The following USP24 variants were observed in gnomAD, a reference collection of about 807,000 sequenced individuals.
USP24 encodes the protein ubiquitin carboxyl-terminal hydrolase 24.
Under a neutral mutation model 361.6 loss-of-function variants are expected in USP24, and 97 were observed. The ratio of observed to expected loss-of-function variants is 0.27; its 90% CI spans 0.23 to 0.32. The LOEUF is 0.32. Among genes scored for constraint, USP24 ranks in the 10% least tolerant of loss-of-function variants. The pLI, the probability that USP24 is intolerant of heterozygous loss-of-function variation, is 1.00. For missense variants in USP24, 2,353 were observed against 3,165.6 expected, an observed-to-expected ratio of 0.74 and a Z score of 6.16; for synonymous variants, 1,098 against 1,124.6, an observed-to-expected ratio of 0.98 and a Z score of 0.47.
At chr1:55,188,520 T>C (rs1644196018) in intron 1 of USP24, among the ~76,000 whole-genome samples, 1 of 149,744 alleles carries the variant, frequency 6.7e-6, no homozygotes, top group Admixed American at 6.6e-5. Context: ...AATAACCTAA[T>C]AAAAAATGGG....
chr1:55,198,436 T>C (rs1644476231), intron 1 of USP24, among the ~76,000 whole-genome samples: 2 of 152,198 alleles, frequency 1.3e-5, no homozygotes, highest in South Asian at 4.1e-4. Context: ...GAATTGAAAG[T>C]CAAGTAACAT....
At chr1:55,117,020 C>G (rs772521768) in intron 38 of USP24, among the ~76,000 whole-genome samples, 6 of 152,086 alleles carry the variant, frequency 3.9e-5, no homozygotes, top group Admixed American at 6.5e-5. Context: ...TCCTGGAATT[C>G]AAGTATGGTC....
At chr1:55,212,918 G>A (rs1412804683) in intron 1 of USP24, among the ~76,000 whole-genome samples, 6 of 152,134 alleles carry the variant, frequency 3.9e-5, no homozygotes, top group Non-Finnish European at 8.8e-5. Flanking sequence ...TGCCATTCAC[G>A]TAAGAAGCCA....
intron 3 of USP24, among the ~76,000 whole-genome samples, chr1:55,173,221 C>T (rs565835721): frequency 2.6e-5 from 4 of 152,116 alleles, no homozygotes; most frequent in African/African-American, 9.6e-5. Flanking sequence ...GTTTATTTGG[C>T]TTACATTTTC....
At chr1:55,129,281 C>T (rs995017235) in intron 32 of USP24, among the ~76,000 whole-genome samples, 196 bp downstream of exon 32, 6 of 152,046 alleles carry the variant, frequency 3.9e-5, no homozygotes, top group South Asian at 4.2e-4. Flanking sequence ...TGCTTCCATA[C>T]GTTTTTCAAA....
At chr1:55,099,511 T>C (rs1242943670) in intron 45 of USP24, among the ~76,000 whole-genome samples, 4 of 152,052 alleles carry the variant, frequency 2.6e-5, no homozygotes, top group Admixed American at 6.5e-5. Flanking sequence ...TGAGCTGAGA[T>C]TGTGCCACTG....
intron 9 of USP24, 55 bp downstream of exon 9, chr1:55,159,556 C>A (rs909093603): frequency 3.2e-5 from 47 of 1,480,374 alleles, no homozygotes; most frequent in Non-Finnish European, 4.2e-5. Context: ...AGTCCTGGCT[C>A]TGCTTCTGTG....
In USP24 at chr1:55,120,714, TCTGA is replaced by T. The variant is rs1262570714; in HGVS notation, c.4386_4389del (p.Ser1462ArgfsTer18). ...ACATCTGGATGCGCTGATGTGTCTG[TCTGA>T]CTAAGAGTGTACAGCTGATCACAGG... On this transcript the variant is annotated frameshift_variant, in exon 38 of 68. Coordinates refer to ENST00000294383, the MANE Select transcript of USP24 (RefSeq NM_015306.3). LOFTEE classifies it high-confidence loss of function. The T allele has an allele frequency of 1.3e-6, 2 of 1,576,606 alleles. No homozygotes were observed. Among genetic ancestry groups the T allele is most frequent in the Admixed American group, 1.8e-5 (1 of 54,724 alleles).
intron 26 of USP24, 127 bp from the exon 27 acceptor site, chr1:55,138,031 G>A: frequency 1.1e-6 from 1 of 875,160 alleles, no homozygotes; most frequent in Admixed American, 2.7e-5. Context: ...AGAACATAAA[G>A]ACAAGAACCC....
rs375102242 is a variant in USP24 at position 55,172,409 on chromosome 1, T to C, written c.670A>G (p.Ile224Val). The part of the protein sequence containing the change: ...LVAERIKQDP[I>V]PTGLLGVLTM... ...AGCACACCCAGGAGACCAGTGGGAA[T>C]TGGATCTTGTTTTATTCTCTCTGCG... The change falls in exon 4 of 68, where the codon ATT (isoleucine) becomes GTT (valine). Residue 224 changes from isoleucine (I) to valine (V), a missense_variant. This residue lies in a region of USP24 where 386 missense variants were observed against 560.5 expected (regional missense o/e 0.69). Coordinates refer to ENST00000294383, the MANE Select transcript of USP24 (RefSeq NM_015306.3). 1.4e-5 allele frequency: 22 copies of C among 1,613,174 alleles called. No individual in the cohort carries two copies. The highest frequency in any genetic ancestry group is 1.6e-4 in the Middle Eastern group (1 of 6,078).
intron 49 of USP24, 68 bp downstream of exon 49, chr1:55,096,884 A>G (rs774481977): frequency 7.2e-6 from 11 of 1,535,050 alleles, no homozygotes; most frequent in African/African-American, 1.4e-5. Context: ...CACAGCGGTG[A>G]GTATGGATGA....
chr1:55,093,032 T>C (rs1645416345), intron 52 of USP24, 116 bp from the exon 53 acceptor site: 2 of 616,130 alleles, frequency 3.2e-6, no homozygotes, highest in Admixed American at 4.2e-5. Flanking sequence ...AAGTGAATTA[T>C]AATTTATAAT....
intron 54 of USP24, among the ~76,000 whole-genome samples, chr1:55,090,906 G>A (rs1252355454): frequency 1.3e-5 from 2 of 152,148 alleles, no homozygotes; most frequent in Admixed American, 6.5e-5. Context: ...TCAACACGGC[G>A]AAACCCCGTC....
chr1:55,128,080 TCTTG>T (rs2100629733), intron 32 of USP24, among the ~76,000 whole-genome samples: 1 of 152,320 alleles, frequency 6.6e-6, no homozygotes, highest in Admixed American at 6.5e-5. Flanking sequence ...AACTTATTTC[TCTTG>T]CTTTCCTTTG....
chr1:55,086,457 AG>A, intron 55 of USP24: 1 of 174,474 alleles, frequency 5.7e-6, no homozygotes, highest in South Asian at 1.5e-4. Flanking sequence ...TACAAGGGGC[AG>A]GGGGACAAAG....
At chr1:55,096,352 G>T in intron 50 of USP24, 146 bp downstream of exon 50, 1 of 687,536 alleles carries the variant, frequency 1.5e-6, no homozygotes, top group Non-Finnish European at 2.1e-6. Context: ...GGTTATTAAA[G>T]AGCTTGCTCA....
rs368222352 is a variant in USP24, at chr1:55,071,421, G to A, written c.7800+393C>T. 1.8e-4 allele frequency: 176 copies of A among 1,004,922 alleles called. No homozygotes were observed. The South Asian group carries it at 2.6e-3, about 15-fold the overall frequency. 62.3% of individuals were successfully genotyped at this position (1,004,922 alleles called of 1,614,324 possible). On this transcript the variant is annotated intron_variant, in intron 67 of 67. Coordinates refer to ENST00000294383, the MANE Select transcript of USP24 (RefSeq NM_015306.3). ...GCAAGCAGGTATACTTCAAGAGCAC[G>A]GGAGCTTTTCTTTCAAGAGTCCACA...
rs1376071298 is a variant in USP24 at position 55,214,909 on chromosome 1, C to T, written c.205G>A (p.Gly69Ser). ...TCACCTCCGCCGTCGCCCCGCGGGC[C>T]CCCGCCGGGCCCGGGGCTGGGGCCA... ...GGGPSPGPGGGPRGDGGGDGG... is the reference protein window; with the variant it reads ...GGGPSPGPGGSPRGDGGGDGG... The change falls in exon 1 of 68, where the codon GGC becomes AGC. Residue 69 changes from glycine (G) to serine (S), a missense_variant. Gly to Ser is a moderately conservative substitution (Grantham distance 56). Transcript: ENST00000294383. 6 of 1,289,180 alleles carry T rather than the reference C, an allele frequency of 4.7e-6. No homozygotes were observed. The highest frequency in any genetic ancestry group is 4.9e-6 in the Non-Finnish European group (5 of 1,010,322). 79.9% of individuals were successfully genotyped at this position (1,289,180 alleles called of 1,614,324 possible).
At chr1:55,175,508 G>A (rs1649890259) in intron 3 of USP24, among the ~76,000 whole-genome samples, 1 of 152,102 alleles carries the variant, frequency 6.6e-6, no homozygotes, top group Non-Finnish European at 1.5e-5. Context: ...TTACAGGCGT[G>A]AGCAATTGCA....
Sources: allele counts gnomAD v4.1 joint callset (sites outside exome capture counted in the v4.1 genomes callset), GRCh38; gene constraint gnomAD v4.1.1; regional missense constraint gnomAD v4.1.1; transcripts MANE v1.5; gene names NCBI Gene and HGNC (gene_info 2026-07-23, HGNC 2026-07-21).